The following ZCCHC8 variants were observed in gnomAD, a reference collection of about 807,000 sequenced individuals.
ZCCHC8 encodes the protein zinc finger CCHC-type containing 8.
ZCCHC8 carries 27 observed loss-of-function variants against 70.6 expected under a neutral mutation model. The observed-to-expected ratio is 0.38, with a 90% confidence interval of 0.28 to 0.53. The LOEUF (loss-of-function observed/expected upper bound fraction) is 0.53, where lower values mean the gene tolerates loss of function less well. ZCCHC8 is among the 20% of genes least tolerant of loss of function. ZCCHC8 has a pLI of 0.81. For missense variants in ZCCHC8, 737 were observed against 876.9 expected (o/e 0.84, Z 2.01); for synonymous variants, 293 against 317.4 (o/e 0.92, Z 0.82).
At position 122,500,917 on chromosome 12, in the gene ZCCHC8, C is replaced by T; in HGVS notation, c.-77G>A. On this transcript the variant is annotated 5_prime_UTR_variant, in exon 1 of 14. Coordinates refer to ENST00000633063, the MANE Select transcript of ZCCHC8 (RefSeq NM_017612.5). The surrounding 1 kb of genome is among the most constrained non-coding windows in gnomAD (Gnocchi z 4.8). The stretch of plus-strand genomic sequence containing the variant: ...GGGGAAGAAGGTTGGAAGGCGGCAC[C>T]ACTCTCTAGAGCTCTGGCCGCACGG... 1 of 1,472,004 alleles carries T rather than the reference C, an allele frequency of 6.8e-7. No homozygotes were observed. Among genetic ancestry groups the T allele is most frequent in the South Asian group, 1.2e-5 (1 of 82,008 alleles). The allele number at this position is 1,472,004 out of a possible 1,614,324, so 91.2% of individuals were successfully genotyped here.
At chr12:122,496,868 C>T (rs1408584743) in intron 2 of ZCCHC8, among the ~76,000 whole-genome samples, 26 of 152,120 alleles carry the variant, frequency 1.7e-4, no homozygotes, top group East Asian at 1.9e-4. Flanking sequence ...AAATATTGGC[C>T]GGGTGCGGTG....
intron 2 of ZCCHC8, among the ~76,000 whole-genome samples, chr12:122,496,069 AGATGGGAGGAT>A (rs1957822595): frequency 6.6e-5 from 10 of 151,936 alleles, no homozygotes; most frequent in Admixed American, 5.9e-4. Flanking sequence ...CAGGAGGCTG[AGATGGGAGGAT>A]CACTTGAGCC....
Position 122,474,272 on chromosome 12 carries a change from A to G in ZCCHC8, c.1349T>C (p.Met450Thr), listed in dbSNP as rs771416498. 28 of 1,398,406 alleles carry G rather than the reference A, an allele frequency of 2.0e-5. No homozygotes were observed. The African/African-American group carries it at 3.4e-4, about 17-fold the overall frequency. The allele number at this position is 1,398,406 out of a possible 1,614,324, so 86.6% of individuals were successfully genotyped here. A position where few individuals can be genotyped will look rare whatever the true frequency, so the allele number is the denominator to read the frequency against. ...GCTCTGAGAACCATGTGGTACCTCC[A>G]TATCTGAAGTAAGAAAGTTAAGAGA... ...SPADMELDSD[M>T]EVPHGSQSSE... The change falls in exon 14 of 14, where the codon ATG becomes ACG. Residue 450 changes from methionine to threonine, a missense_variant. Transcript: ENST00000633063.
chr12:122,489,012 T>C (rs1172941096), intron 5 of ZCCHC8, among the ~76,000 whole-genome samples: 2 of 152,240 alleles, frequency 1.3e-5, no homozygotes, highest in African/African-American at 4.8e-5. Flanking sequence ...TCACCCACCA[T>C]TTGAGACTGT....
rs1258776330 is a variant in ZCCHC8 at position 122,481,610 on chromosome 12, G to C, written c.930C>G (p.Ile310Met). Residue 310 changes from isoleucine to methionine, a missense_variant, in exon 10 of 14, where the codon ATC becomes ATG. Ile to Met is a conservative substitution (Grantham distance 10). Transcript: ENST00000633063. ...GGTACCCTAGCTGGCGCATCCGATA[G>C]ATAAAAGGTGGAAGACTCTTGTCTG... ...GVTDKSLPPFIYRMRQLGYPP... is the reference protein window; with the variant it reads ...GVTDKSLPPFMYRMRQLGYPP... 6.2e-7 allele frequency: 1 copy of C among 1,613,934 alleles called. No homozygotes were observed. Among genetic ancestry groups the C allele is most frequent in the Non-Finnish European group, 8.5e-7 (1 of 1,179,888 alleles).
intron 11 of ZCCHC8, among the ~76,000 whole-genome samples, chr12:122,479,819 T>C (rs1282332375): frequency 6.6e-6 from 1 of 152,194 alleles, no homozygotes; most frequent in East Asian, 1.9e-4. Flanking sequence ...TTCCTTTAAA[T>C]AGTAACTGCT....
rs557015835 is a variant in ZCCHC8, at chr12:122,494,335, C to T, written c.243-1546G>A. Among the ~76,000 whole-genome samples, 21 of 151,422 alleles carry T rather than the reference C, an allele frequency of 1.4e-4. No individual in the cohort carries two copies. In the South Asian group the frequency reaches 3.5e-3, roughly 26 times the overall value. On this transcript the variant is annotated intron_variant, in intron 2 of 13. Transcript: ENST00000633063. ...TTGGGAGGCAGAGGCGGGTGGATCA[C>T]GAGGTCAGGAGTTCGAGACCAGCCT...
chr12:122,488,901 A>G (rs2137353675), intron 5 of ZCCHC8, among the ~76,000 whole-genome samples: 1 of 152,232 alleles, frequency 6.6e-6, no homozygotes, highest in South Asian at 2.1e-4. Flanking sequence ...TATAAGCTGC[A>G]AAATCATACT....
Position 122,473,951 on chromosome 12 carries a change from G to A in ZCCHC8, c.1670C>T (p.Ser557Leu). 2 of 1,609,156 alleles carry A rather than the reference G, an allele frequency of 1.2e-6. No individual in the cohort carries two copies. Among genetic ancestry groups the A allele is most frequent in the Non-Finnish European group, 1.7e-6 (2 of 1,178,388 alleles). ...GAGGTCTAGCTCATTTGGACAAGGT[G>A]ATGAGGCAACGGAATTGCCAGTTAA... ...TPLTGNSVAS[S>L]PCPNELDLPV... The change falls in exon 14 of 14, where the codon TCA (serine) becomes TTA (leucine). Residue 557 changes from serine (S) to leucine (L), a missense_variant. Coordinates refer to ENST00000633063, the MANE Select transcript of ZCCHC8 (RefSeq NM_017612.5).
At chr12:122,484,190 T>G (rs1202224720) in intron 5 of ZCCHC8, 1 of 152,162 alleles carries the variant, frequency 6.6e-6, no homozygotes, top group African/African-American at 2.4e-5. Flanking sequence ...CCTGCCAGGC[T>G]CAAACGATCC....
chr12:122,487,858 C>T (rs1566297666), intron 5 of ZCCHC8, among the ~76,000 whole-genome samples: 1 of 150,816 alleles, frequency 6.6e-6, no homozygotes, highest in African/African-American at 2.4e-5. Flanking sequence ...TCTATACATA[C>T]ATATATATAT....
intron 13 of ZCCHC8, among the ~76,000 whole-genome samples, chr12:122,475,264 C>T (rs994360495): frequency 6.6e-6 from 1 of 152,074 alleles, no homozygotes; most frequent in Non-Finnish European, 1.5e-5. Flanking sequence ...AGGCTGGTTT[C>T]GAACTCCTGA....
rs1303282658 is a variant in ZCCHC8 at position 122,500,106 on chromosome 12, C to T, written c.199+536G>A. 6.5e-6 allele frequency: 1 copy of T among 152,928 alleles called. No individual in the cohort carries two copies. The highest frequency in any genetic ancestry group is 1.5e-5 in the Non-Finnish European group (1 of 68,450). 9.5% of individuals were successfully genotyped at this position (152,928 alleles called of 1,614,324 possible). A position where few individuals can be genotyped will look rare whatever the true frequency, so the allele number is the denominator to read the frequency against. On this transcript the variant is annotated intron_variant, in intron 1 of 13. Transcript: ENST00000633063. The surrounding 1 kb of genome is among the most constrained non-coding windows in gnomAD (Gnocchi z 4.8). ...CGAGTGGAAGAACTCTAAAATTAAT[C>T]CCCAATTTTAATCAAGCAATTAACC...
chr12:122,485,263 C>T (rs1047649643), intron 5 of ZCCHC8, among the ~76,000 whole-genome samples: 2 of 152,086 alleles, frequency 1.3e-5, no homozygotes, highest in African/African-American at 4.8e-5. Context: ...TACAGGCATG[C>T]ACCACCACAC....
Position 122,500,392 on chromosome 12 carries a change from G to C in ZCCHC8, c.199+250C>G, listed in dbSNP as rs1957903696. On this transcript the variant is annotated intron_variant, in intron 1 of 13. Coordinates refer to ENST00000633063, the MANE Select transcript of ZCCHC8 (RefSeq NM_017612.5). This position sits in a 1 kb window ranked among gnomAD's most constrained non-coding sequence, Gnocchi z 4.8. ...AAATAACCCTAAACACGGCACCCGG[G>C]TGGGAGGCAGGAGTGGGTCTGGTCA... The C allele has an allele frequency of 7.5e-6, 4 of 533,772 alleles. No individual in the cohort carries two copies. In the East Asian group the frequency reaches 1.3e-4, roughly 17 times the overall value. 33.1% of individuals were successfully genotyped at this position (533,772 alleles called of 1,614,324 possible).
intron 5 of ZCCHC8, among the ~76,000 whole-genome samples, chr12:122,484,446 T>G (rs138228357): frequency 0.045 from 6,747 of 150,456 alleles, 523 homozygotes; most frequent in African/African-American, 0.16. Flanking sequence ...AGGGTCTTGC[T>G]CTGTTGTCCA....
At chr12:122,489,086 C>T (rs1025819517) in intron 5 of ZCCHC8, among the ~76,000 whole-genome samples, 48 of 152,146 alleles carry the variant, frequency 3.2e-4, no homozygotes, top group Non-Finnish European at 2.1e-4. Context: ...CAGCTTTAGC[C>T]ATGTATAAGT....
Position 122,478,146 on chromosome 12 carries a change from A to C in ZCCHC8, c.1227+60T>G, listed in dbSNP as rs530807433. The C allele has an allele frequency of 1.7e-5, 24 of 1,425,860 alleles. 1 individual carries two copies. The highest frequency in any genetic ancestry group is 3.5e-4 in the Middle Eastern group (2 of 5,766). 88.3% of individuals were successfully genotyped at this position (1,425,860 alleles called of 1,614,324 possible). On this transcript the variant is annotated intron_variant, in intron 12 of 13. Coordinates refer to ENST00000633063, the MANE Select transcript of ZCCHC8 (RefSeq NM_017612.5). ...AGAAAAGGCTGTAAGACGCTAATAA[A>C]TTACACAATCTCGCAGACACAACAA...
Position 122,492,746 on chromosome 12 carries a change from G to T in ZCCHC8, c.286C>A (p.Gln96Lys). 1 of 1,548,844 alleles carries T rather than the reference G, an allele frequency of 6.5e-7. No homozygotes were observed. Among genetic ancestry groups the T allele is most frequent in the East Asian group, 2.4e-5 (1 of 42,010 alleles). The change falls in exon 3 of 14, where the codon CAG (glutamine) becomes AAG (lysine). Residue 96 changes from glutamine (Q) to lysine (K), a missense_variant. Physicochemically the swap from Gln to Lys is moderately conservative, Grantham distance 53. Transcript: ENST00000633063. ...NDTKLDGPIL[Q>K]ILFMNNAISK... ...ATAGCATTGTTCATGAATAGAATCTGTAATATAGGTCCATCTAACTTAGTA... is the reference window on the plus strand; with the variant it reads ...ATAGCATTGTTCATGAATAGAATCTTTAATATAGGTCCATCTAACTTAGTA...
Sources: gnomAD v4.1 joint callset for allele counts (sites outside exome capture counted in the v4.1 genomes callset) on GRCh38, gnomAD v4.1.1 for gene constraint, Gnocchi (gnomAD v3.1) non-coding constraint, MANE v1.5 for transcripts, NCBI Gene and HGNC (gene_info 2026-07-23, HGNC 2026-07-21) for gene names.